Variants in PTCHD4 observed in about 807,000 individuals in gnomAD.
The protein encoded by PTCHD4 is patched domain containing 4, also known as patched domain-containing protein 4.
In PTCHD4, 33 loss-of-function variants were observed where a neutral mutation model predicts 58.1. The ratio of observed to expected loss-of-function variants is 0.57; its 90% CI spans 0.43 to 0.76. PTCHD4 has a LOEUF of 0.76. Among genes scored for constraint, PTCHD4 ranks in the 30% least tolerant of loss-of-function variants. The probability of loss-of-function intolerance (pLI) is 0.00; values close to 1 mark genes in which losing one functional copy is unlikely to be tolerated. For synonymous variants in PTCHD4, 478 were observed against 409.6 expected (o/e 1.17, Z -2.02); for missense variants, 1,058 against 1,027.1 (o/e 1.03, Z -0.41).
chr6:48,066,402 A>G (rs1764798665), intron 3 of PTCHD4, among the ~76,000 whole-genome samples: 2 of 152,186 alleles, frequency 1.3e-5, no homozygotes, highest in African/African-American at 4.8e-5. Context: ...GACCCAACCA[A>G]TAATGCATAC....
intron 4 of PTCHD4, among the ~76,000 whole-genome samples, chr6:48,007,404 A>C (rs958661423): frequency 6.6e-6 from 1 of 152,208 alleles, no homozygotes. Context: ...GAAAGGGCCT[A>C]TGTCACCTAG....
At chr6:47,908,334 C>A (rs997921195) in intron 4 of PTCHD4, among the ~76,000 whole-genome samples, 1 of 152,116 alleles carries the variant, frequency 6.6e-6, no homozygotes, top group Non-Finnish European at 1.5e-5. Context: ...TCTCAGTCTG[C>A]CCCTCACCCT....
chr6:47,929,529 A>T (rs547700140), intron 4 of PTCHD4, among the ~76,000 whole-genome samples: 10 of 152,356 alleles, frequency 6.6e-5, no homozygotes, highest in Admixed American at 5.9e-4. Flanking sequence ...TAGTCCTTTC[A>T]TCTTGCAGTA....
intron 1 of PTCHD4, among the ~76,000 whole-genome samples, chr6:48,071,295 T>A (rs181913757): frequency 6.6e-6 from 1 of 152,334 alleles, no homozygotes; most frequent in Admixed American, 6.5e-5. Context: ...CTAAATAATG[T>A]ATGGTATATA....
chr6:47,883,520 TA>T (rs1412408288), intron 4 of PTCHD4, among the ~76,000 whole-genome samples: 1 of 152,218 alleles, frequency 6.6e-6, no homozygotes, highest in Non-Finnish European at 1.5e-5. Context: ...CTATATTTAT[TA>T]AAATGCTAGA....
chr6:47,966,455 C>G (rs1490404708), intron 4 of PTCHD4, among the ~76,000 whole-genome samples: 2 of 152,136 alleles, frequency 1.3e-5, no homozygotes, highest in African/African-American at 4.8e-5. Flanking sequence ...GCTGACTGAT[C>G]AGCTTGGTGG....
At position 47,858,118 on chromosome 6, in the gene PTCHD4, C is replaced by A. The variant is rs1763340360; in HGVS notation, c.*20185G>T. ...CCATGTACTTCCTTGTTGTACATTCCCTGGAAAGTGTTTGGTTAGAAATTA... is the reference window on the plus strand; with the variant it reads ...CCATGTACTTCCTTGTTGTACATTCACTGGAAAGTGTTTGGTTAGAAATTA... On this transcript the variant is annotated 3_prime_UTR_variant, in exon 5 of 5. Transcript: ENST00000339488. Among the ~76,000 whole-genome samples the A allele has an allele frequency of 6.6e-6, 1 of 151,790 alleles. No individual in the cohort carries two copies. The highest frequency in any genetic ancestry group is 1.5e-5 in the Non-Finnish European group (1 of 67,926).
intron 1 of PTCHD4, among the ~76,000 whole-genome samples, chr6:48,073,870 C>T (rs1416453814): frequency 6.6e-6 from 1 of 152,156 alleles, no homozygotes; most frequent in African/African-American, 2.4e-5. Flanking sequence ...TGCAGTTTAA[C>T]TTTGTGCCAA....
intron 4 of PTCHD4, among the ~76,000 whole-genome samples, chr6:47,904,847 TG>T (rs907418519): frequency 1.7e-4 from 26 of 152,162 alleles, no homozygotes; most frequent in African/African-American, 6.3e-4. Context: ...CTAAATGCTA[TG>T]AAGAAAAGGC....
intron 4 of PTCHD4, among the ~76,000 whole-genome samples, chr6:47,886,003 G>C (rs1764180238): frequency 6.6e-6 from 1 of 152,006 alleles, no homozygotes; most frequent in Non-Finnish European, 1.5e-5. Flanking sequence ...ATTTTCAGTA[G>C]AGATGGGTTT....
intron 3 of PTCHD4, among the ~76,000 whole-genome samples, chr6:48,046,394 A>C (rs1764039540): frequency 6.6e-6 from 1 of 151,810 alleles, no homozygotes; most frequent in East Asian, 1.9e-4. Context: ...GTCTCCTCTT[A>C]ATAGGATTCT....
chr6:47,890,480 A>T (rs996119977), intron 4 of PTCHD4, among the ~76,000 whole-genome samples: 3 of 152,108 alleles, frequency 2.0e-5, no homozygotes, highest in Non-Finnish European at 2.9e-5. Flanking sequence ...CTGTTTCCTC[A>T]TCTGTAAAAA....
intron 4 of PTCHD4, among the ~76,000 whole-genome samples, chr6:47,963,276 CATGAG>C (rs1767166066): frequency 2.0e-5 from 3 of 151,708 alleles, no homozygotes; most frequent in African/African-American, 7.3e-5. Context: ...ACAAAACCAC[CATGAG>C]ATATCACCTC....
intron 4 of PTCHD4, among the ~76,000 whole-genome samples, chr6:47,973,844 G>C (rs2113993976): frequency 6.6e-6 from 1 of 152,282 alleles, no homozygotes; most frequent in East Asian, 1.9e-4. Context: ...GCAAATCACT[G>C]CTTGAAATCC....
chr6:47,976,118 G>C (rs1481800852), intron 4 of PTCHD4, among the ~76,000 whole-genome samples: 1 of 152,074 alleles, frequency 6.6e-6, no homozygotes, highest in Non-Finnish European at 1.5e-5. Flanking sequence ...CTTGTTGCTG[G>C]AGCCCCAAAA....
At position 47,871,447 on chromosome 6, in the gene PTCHD4, C is replaced by T. The variant is rs1401254302; in HGVS notation, c.*6856G>A. Reference sequence around the variant, plus strand: ...TTTGTGCATCTTACTGGGTAGACTGCTGCCTCTAATCAAAGTCAGATTACT... The same window carrying T: ...TTTGTGCATCTTACTGGGTAGACTGTTGCCTCTAATCAAAGTCAGATTACT... On this transcript the variant is annotated 3_prime_UTR_variant, in exon 5 of 5. Coordinates refer to ENST00000339488, the MANE Select transcript of PTCHD4 (RefSeq NM_001384253.1). Among the ~76,000 whole-genome samples the T allele has an allele frequency of 6.6e-6, 1 of 151,596 alleles. No individual in the cohort carries two copies. The highest frequency in any genetic ancestry group is 1.5e-5 in the Non-Finnish European group (1 of 67,702).
chr6:48,017,117 A>T (rs1341569749), intron 3 of PTCHD4, among the ~76,000 whole-genome samples: 2 of 152,166 alleles, frequency 1.3e-5, no homozygotes, highest in Non-Finnish European at 2.9e-5. Flanking sequence ...TCTTTTTTTA[A>T]TCAGATTTTT....
chr6:48,013,624 A>G (rs527940491), intron 3 of PTCHD4, among the ~76,000 whole-genome samples: 3 of 152,150 alleles, frequency 2.0e-5, no homozygotes, highest in African/African-American at 7.2e-5. Context: ...ACACTAATTG[A>G]TCCCCAATTA....
At chr6:47,921,090 AAAG>A (rs1189420698) in intron 4 of PTCHD4, among the ~76,000 whole-genome samples, 7 of 152,350 alleles carry the variant, frequency 4.6e-5, no homozygotes, top group Middle Eastern at 3.4e-3. Flanking sequence ...GCTAACATTT[AAAG>A]AAAATATTAT....
Sources: allele counts gnomAD v4.1 joint callset (sites outside exome capture counted in the v4.1 genomes callset), GRCh38; gene constraint gnomAD v4.1.1; transcripts MANE v1.5; gene names NCBI Gene and HGNC (gene_info 2026-07-23, HGNC 2026-07-21).